The following RUSF1 variants were observed in gnomAD, a reference collection of about 807,000 sequenced individuals.
RUSF1 encodes the protein RUS family member 1.
A neutral mutation model predicts 63.0 loss-of-function variants in RUSF1; 58 were observed. That is an observed-to-expected ratio of 0.92 (90% confidence interval 0.75 to 1.15). The LOEUF (loss-of-function observed/expected upper bound fraction) is 1.15. Ranked by LOEUF, RUSF1 falls within the 50% of genes most tolerant of loss-of-function variation. The pLI is 0.00. For synonymous variants in RUSF1, 274 were observed against 255.8 expected, an observed-to-expected ratio of 1.07 and a Z score of -0.68; for missense variants, 652 against 611.0, an observed-to-expected ratio of 1.07 and a Z score of -0.71.
At position 31,507,945 on chromosome 16, in the gene RUSF1, G is replaced by A. The variant is rs766369497; in HGVS notation, c.301-67C>T. Reference sequence around the variant, plus strand: ...CGTGGCGGTCTAAGTGCCTTCATCTGTTCTTGTTCTTGGTGTATGAGGCAT... The same window carrying A: ...CGTGGCGGTCTAAGTGCCTTCATCTATTCTTGTTCTTGGTGTATGAGGCAT... On this transcript the variant is annotated intron_variant, in intron 1 of 12. Coordinates refer to ENST00000327237, the MANE Select transcript of RUSF1 (RefSeq NM_022744.4). The A allele has an allele frequency of 2.0e-4, 314 of 1,534,166 alleles. 1 individual carries two copies. Among genetic ancestry groups the A allele is most frequent in the Non-Finnish European group, 2.7e-4 (302 of 1,132,106 alleles).
chr16:31,495,418 G>A (rs1180997077), intron 6 of RUSF1, among the ~76,000 whole-genome samples: 1 of 152,196 alleles, frequency 6.6e-6, no homozygotes, highest in African/African-American at 2.4e-5. Flanking sequence ...CATTTCCAGT[G>A]GCCACATCCA....
chr16:31,500,581 T>C lies in RUSF1; in HGVS notation c.461+105A>G, dbSNP rs530159782. On this transcript the variant is annotated intron_variant, in intron 3 of 12. Coordinates refer to ENST00000327237, the MANE Select transcript of RUSF1 (RefSeq NM_022744.4). ...GGCATTAAGCACTTTGCATAGATCA[T>C]CTCATGGAACCCTTACAGCCACAAT... 163 of 1,412,060 alleles carry C rather than the reference T, an allele frequency of 1.2e-4. No homozygotes were observed. In the African/African-American group the frequency reaches 2.1e-3, roughly 18 times the overall value. The allele number at this position is 1,412,060 out of a possible 1,614,324, so 87.5% of individuals were successfully genotyped here. A position where few individuals can be genotyped will look rare whatever the true frequency, so the allele number is the denominator to read the frequency against.
At chr16:31,502,359 C>A (rs1487963826) in intron 2 of RUSF1, among the ~76,000 whole-genome samples, 1 of 152,186 alleles carries the variant, frequency 6.6e-6, no homozygotes, top group Admixed American at 6.5e-5. Context: ...CTTGCCCACC[C>A]TGGACTTGAG....
chr16:31,503,963 A>G (rs112926593), intron 2 of RUSF1, among the ~76,000 whole-genome samples: 205 of 148,108 alleles, frequency 1.4e-3, no homozygotes, highest in African/African-American at 4.9e-3. Context: ...CACCTGGCCA[A>G]TAACAAGCCT....
intron 5 of RUSF1, among the ~76,000 whole-genome samples, chr16:31,497,494 T>C (rs549142848): frequency 1.1e-4 from 17 of 152,326 alleles, no homozygotes; most frequent in African/African-American, 4.1e-4. Flanking sequence ...CTTATTACTA[T>C]TTTTATTTAT....
chr16:31,496,429 C>T (rs560374433), intron 6 of RUSF1, among the ~76,000 whole-genome samples: 99 of 152,284 alleles, frequency 6.5e-4, no homozygotes, highest in African/African-American at 2.3e-3. Flanking sequence ...TAGGGGTGTC[C>T]CTACCCCAAC....
intron 2 of RUSF1, among the ~76,000 whole-genome samples, chr16:31,507,356 C>G (rs932808619): frequency 6.6e-6 from 1 of 152,204 alleles, no homozygotes; most frequent in African/African-American, 2.4e-5. Flanking sequence ...TCCATTCTTT[C>G]CAGGCTCTCC....
intron 12 of RUSF1, 146 bp from the exon 13 acceptor site, chr16:31,491,078 T>C (rs970316757): frequency 1.4e-6 from 1 of 697,664 alleles, no homozygotes; most frequent in Non-Finnish European, 2.4e-6. Flanking sequence ...AAACCACACC[T>C]GGCTGCAGCA....
At position 31,508,133 on chromosome 16, in the gene RUSF1, C is replaced by T; in HGVS notation, c.241G>A (p.Gly81Ser). The T allele has an allele frequency of 6.2e-7, 1 of 1,600,314 alleles. No individual in the cohort carries two copies. Among genetic ancestry groups the T allele is most frequent in the Non-Finnish European group, 8.5e-7 (1 of 1,174,148 alleles). Residue 81 changes from glycine to serine, a missense_variant, in exon 1 of 13, where the codon GGC becomes AGC. Physicochemically the swap from Gly to Ser is moderately conservative, Grantham distance 56 (BLOSUM62 0). Coordinates refer to ENST00000327237, the MANE Select transcript of RUSF1 (RefSeq NM_022744.4). Reference sequence around the variant, plus strand: ...TCCGGGCTGACGCTATCAGGGAAGCCCTGAGGCAGGAACACGGCCTGGAGC... The same window carrying T: ...TCCGGGCTGACGCTATCAGGGAAGCTCTGAGGCAGGAACACGGCCTGGAGC... ...SGLQAVFLPQ[G>S]FPDSVSPDYL...
At chr16:31,494,039 G>T in intron 6 of RUSF1, 103 bp from the exon 7 acceptor site, 1 of 1,282,174 alleles carries the variant, frequency 7.8e-7, no homozygotes, top group East Asian at 2.5e-5. Flanking sequence ...CAACCTCCCA[G>T]GGCTCCTTAC....
intron 9 of RUSF1, 100 bp downstream of exon 9, chr16:31,493,367 G>A: frequency 1.4e-6 from 2 of 1,433,912 alleles, no homozygotes; most frequent in South Asian, 1.2e-5. Context: ...GAAGAACCCA[G>A]GACAGAGAGG....
rs113785835 is a variant in RUSF1 at position 31,494,490 on chromosome 16, T to A, written c.703-554A>T. Among the ~76,000 whole-genome samples the A allele has an allele frequency of 5.8e-3, 884 of 151,216 alleles. 10 individuals carry two copies. The highest frequency in any genetic ancestry group is 0.021 in the African/African-American group (849 of 41,132). On this transcript the variant is annotated intron_variant, in intron 6 of 12. Transcript: ENST00000327237. ...GAGATCACGCCACTTCACTCCAGCC[T>A]GGGCAACAGAGCAAGACTGTCTCCA...
intron 1 of RUSF1, 44 bp downstream of exon 1, chr16:31,508,030 A>G (rs1227973948): frequency 1.3e-6 from 2 of 1,563,386 alleles, no homozygotes; most frequent in Non-Finnish European, 1.7e-6. Context: ...TTGGGGAGGG[A>G]GGAGTGGCCT....
At chr16:31,508,031 G>A in intron 1 of RUSF1, 43 bp downstream of exon 1, 1 of 1,565,096 alleles carries the variant, frequency 6.4e-7, no homozygotes, top group Non-Finnish European at 8.6e-7. Flanking sequence ...TGGGGAGGGA[G>A]GAGTGGCCTG....
Position 31,490,521 on chromosome 16 carries a change from G to A in RUSF1, c.*314C>T, listed in dbSNP as rs761475754. On this transcript the variant is annotated 3_prime_UTR_variant, in exon 13 of 13. Coordinates refer to ENST00000327237, the MANE Select transcript of RUSF1 (RefSeq NM_022744.4). The stretch of plus-strand genomic sequence containing the variant: ...GATGGCAGTGGCCGTGTTCCTCTGG[G>A]GCTTCTATGCCTAAGACCAACTGCG... 6 of 1,612,140 alleles carry A rather than the reference G, an allele frequency of 3.7e-6. No individual in the cohort carries two copies. The highest frequency in any genetic ancestry group is 5.1e-6 in the Non-Finnish European group (6 of 1,179,258).
chr16:31,505,504 G>T (rs2082654384), intron 2 of RUSF1, among the ~76,000 whole-genome samples: 1 of 152,070 alleles, frequency 6.6e-6, no homozygotes, highest in Admixed American at 6.6e-5. Flanking sequence ...CACCTGATGA[G>T]AAATACCCAC....
chr16:31,506,564 C>T (rs2082660034), intron 2 of RUSF1, among the ~76,000 whole-genome samples: 1 of 152,154 alleles, frequency 6.6e-6, no homozygotes. Flanking sequence ...AATGGATCAC[C>T]CGAAGTCAGG....
chr16:31,499,166 A>T lies in RUSF1; in HGVS notation c.600+136T>A, dbSNP rs78966326. 1,389 of 790,036 alleles carry T rather than the reference A, an allele frequency of 1.8e-3. 18 individuals carry two copies. In the African/African-American group the frequency reaches 0.022, roughly 12 times the overall value. The allele number at this position is 790,036 out of a possible 1,614,324, so 48.9% of individuals were successfully genotyped here. A position where few individuals can be genotyped will look rare whatever the true frequency, so the allele number is the denominator to read the frequency against. On this transcript the variant is annotated intron_variant, in intron 5 of 12. Transcript: ENST00000327237. ...TCTGGCTGGAGGAGGGTCAGAAAGG[A>T]TGGTTGGGTTCGAGTAGAAACATCT... is the stretch of plus-strand genomic sequence containing the variant.
In RUSF1 at chr16:31,499,301, C is replaced by A; in HGVS notation, c.600+1G>T. The A allele has an allele frequency of 6.2e-7, 1 of 1,612,806 alleles. No homozygotes were observed. Among genetic ancestry groups the A allele is most frequent in the Non-Finnish European group, 8.5e-7 (1 of 1,178,902 alleles). The stretch of plus-strand genomic sequence containing the variant: ...AGATGGGTGCCCCCACAGGCAGCTA[C>A]CTTGGCTAGGTTGCTGGTGGAGACG... On this transcript the variant is annotated splice_donor_variant, in intron 5 of 12. Transcript: ENST00000327237. LOFTEE classifies it high-confidence loss of function.
Sources: gnomAD v4.1 joint callset for allele counts (sites outside exome capture counted in the v4.1 genomes callset) on GRCh38, gnomAD v4.1.1 for gene constraint, MANE v1.5 for transcripts, NCBI Gene and HGNC (gene_info 2026-07-23, HGNC 2026-07-21) for gene names.